The following USP6NL variants were observed in gnomAD, a reference collection of about 807,000 sequenced individuals.
USP6NL encodes USP6 N-terminal like.
A neutral mutation model predicts 61.9 loss-of-function variants in USP6NL; 26 were observed. The observed-to-expected ratio is 0.42, with a 90% CI of 0.31 to 0.58. The LOEUF is 0.58. Ranked by LOEUF, USP6NL falls within the 20% of genes least tolerant of loss-of-function variation. The pLI, the probability that USP6NL is intolerant of heterozygous loss-of-function variation, is 0.16. For synonymous variants in USP6NL, 432 were observed against 390.1 expected (o/e 1.11, Z -1.27); for missense variants, 1,114 against 1,034.3 (o/e 1.08, Z -1.06).
At chr10:11,514,996 AT>A (rs1364322523) in intron 5 of USP6NL, among the ~76,000 whole-genome samples, 1 of 152,228 alleles carries the variant, frequency 6.6e-6, no homozygotes, top group East Asian at 1.9e-4. Flanking sequence ...TTTAAAGTTT[AT>A]GATATAATAC....
chr10:11,606,830 C>T (rs547732526), intron 1 of USP6NL, among the ~76,000 whole-genome samples: 1 of 148,522 alleles, frequency 6.7e-6, no homozygotes, highest in Admixed American at 6.8e-5. Context: ...TTTACTCTGT[C>T]GCCAGGCTGG....
chr10:11,541,327 G>A (rs949536999), intron 2 of USP6NL, among the ~76,000 whole-genome samples: 2 of 142,994 alleles, frequency 1.4e-5, no homozygotes, highest in African/African-American at 2.6e-5. Flanking sequence ...CTAAGAACCT[G>A]AGTGATAAGC....
At position 11,490,458 on chromosome 10, in the gene USP6NL, C is replaced by G. The variant is rs906453688; in HGVS notation, c.543+374G>C. 6.6e-6 allele frequency among the ~76,000 whole-genome samples: 1 copy of G among 152,160 alleles called. No homozygotes were observed. Among genetic ancestry groups the G allele is most frequent in the African/African-American group, 2.4e-5 (1 of 41,420 alleles). ...ATTGTGAAAAGTAACCTCCCAAGAG[C>G]AAAGAGAGTTATAAAAAGTCAAGCA... On this transcript the variant is annotated intron_variant, in intron 9 of 14. Coordinates refer to ENST00000609104, the MANE Select transcript of USP6NL (RefSeq NM_014688.5). The surrounding 1 kb of genome is among the most constrained non-coding windows in gnomAD (Gnocchi z 4.5).
chr10:11,537,355 ACC>A lies in USP6NL; in HGVS notation c.5-9790_5-9789del, dbSNP rs1445172294. 6.6e-6 allele frequency among the ~76,000 whole-genome samples: 1 copy of A among 151,828 alleles called. No homozygotes were observed. The highest frequency in any genetic ancestry group is 1.5e-5 in the Non-Finnish European group (1 of 67,912). On this transcript the variant is annotated intron_variant, in intron 2 of 14. Transcript: ENST00000609104. This position sits in a 1 kb window ranked among gnomAD's most constrained non-coding sequence, Gnocchi z 5.1. ...TCGAACTCCTGGGCTGGGGCAATCC[ACC>A]CACCTTGGCCTCCCAAAGTGCTACG...
At chr10:11,542,130 C>T (rs1836090400) in intron 2 of USP6NL, among the ~76,000 whole-genome samples, 1 of 152,114 alleles carries the variant, frequency 6.6e-6, no homozygotes, top group African/African-American at 2.4e-5. Flanking sequence ...TAAAGACCAG[C>T]TTTTCCTTGG....
intron 14 of USP6NL, among the ~76,000 whole-genome samples, chr10:11,471,122 T>A (rs559143305): frequency 6.6e-6 from 1 of 152,192 alleles, no homozygotes; most frequent in Non-Finnish European, 1.5e-5. Context: ...GAGGCGGAGC[T>A]TGCAGTGAGC....
intron 14 of USP6NL, among the ~76,000 whole-genome samples, chr10:11,480,348 G>A (rs1833145175): frequency 2.6e-5 from 4 of 152,144 alleles, no homozygotes; most frequent in Non-Finnish European, 2.9e-5. Flanking sequence ...ATTATCTCAC[G>A]TTTAAATAGT....
At chr10:11,544,232 G>A (rs1836186636) in intron 2 of USP6NL, among the ~76,000 whole-genome samples, 1 of 151,518 alleles carries the variant, frequency 6.6e-6, no homozygotes, top group Non-Finnish European at 1.5e-5. Context: ...CAGTCAAAGA[G>A]TTAAACTCTA....
chr10:11,552,644 T>A (rs936561814), intron 2 of USP6NL, among the ~76,000 whole-genome samples: 1 of 152,180 alleles, frequency 6.6e-6, no homozygotes, highest in Non-Finnish European at 1.5e-5. Flanking sequence ...TGTAACACAA[T>A]TCACATTATG....
At chr10:11,502,064 C>G (rs1423360358) in intron 6 of USP6NL, among the ~76,000 whole-genome samples, 1 of 152,070 alleles carries the variant, frequency 6.6e-6, no homozygotes, top group Non-Finnish European at 1.5e-5. Flanking sequence ...GGAGACCATC[C>G]TGGCTAACAC....
chr10:11,561,949 C>G lies in USP6NL; in HGVS notation c.5-34382G>C, dbSNP rs1297710268. 1.3e-5 allele frequency among the ~76,000 whole-genome samples: 2 copies of G among 152,194 alleles called. No individual in the cohort carries two copies. Among genetic ancestry groups the G allele is most frequent in the African/African-American group, 4.8e-5 (2 of 41,450 alleles). On this transcript the variant is annotated intron_variant, in intron 2 of 14. Transcript: ENST00000609104. This position sits in a 1 kb window ranked among gnomAD's most constrained non-coding sequence, Gnocchi z 4.1. ...TGTAATTTCCTATCCAGTATTCTCT[C>G]ATCTTCCTAAAAGAATGCCAGATCT...
chr10:11,584,495 G>A (rs1168759348), intron 2 of USP6NL, among the ~76,000 whole-genome samples: 1 of 152,142 alleles, frequency 6.6e-6, no homozygotes, highest in Non-Finnish European at 1.5e-5. Flanking sequence ...GTCCCTGAAA[G>A]AATAGTACCT....
chr10:11,512,419 GA>G (rs1244329121), intron 5 of USP6NL, among the ~76,000 whole-genome samples: 1 of 152,068 alleles, frequency 6.6e-6, no homozygotes, highest in Non-Finnish European at 1.5e-5. Flanking sequence ...GTTCCTAGAT[GA>G]AAACAGAAGC....
intron 2 of USP6NL, among the ~76,000 whole-genome samples, chr10:11,545,222 C>G (rs1836229650): frequency 6.6e-6 from 1 of 152,196 alleles, no homozygotes; most frequent in Non-Finnish European, 1.5e-5. Flanking sequence ...AAACCCTCCC[C>G]TCTCTGCCCC....
chr10:11,517,252 T>TCC (rs998801346), intron 5 of USP6NL, among the ~76,000 whole-genome samples: 1 of 152,224 alleles, frequency 6.6e-6, no homozygotes, highest in Non-Finnish European at 1.5e-5. Context: ...TGAGAACAAA[T>TCC]CCTTACATTC....
chr10:11,506,229 AAT>A (rs1202491301), intron 6 of USP6NL, among the ~76,000 whole-genome samples: 2 of 152,238 alleles, frequency 1.3e-5, no homozygotes, highest in African/African-American at 4.8e-5. Flanking sequence ...CCAACAAAAA[AAT>A]ATGTGTATTT....
In USP6NL at chr10:11,532,618, G is replaced by A. The variant is rs960535641; in HGVS notation, c.5-5051C>T. Among the ~76,000 whole-genome samples the A allele has an allele frequency of 1.5e-4, 23 of 152,172 alleles. No individual in the cohort carries two copies. Among genetic ancestry groups the A allele is most frequent in the African/African-American group, 4.8e-4 (20 of 41,504 alleles). On this transcript the variant is annotated intron_variant, in intron 2 of 14. Coordinates refer to ENST00000609104, the MANE Select transcript of USP6NL (RefSeq NM_014688.5). This position sits in a 1 kb window ranked among gnomAD's most constrained non-coding sequence, Gnocchi z 4.1. The stretch of plus-strand genomic sequence containing the variant: ...ATAATGTGCCTTCATCTTGTGTCTC[G>A]ATATTAGCCACTTTCTTATTTCTTA...
chr10:11,545,013 G>A (rs1312190742), intron 2 of USP6NL, among the ~76,000 whole-genome samples: 1 of 152,170 alleles, frequency 6.6e-6, no homozygotes, highest in East Asian at 1.9e-4. Context: ...TGGTTGTCCT[G>A]GGGAGATTAA....
rs1042653586 is a variant in USP6NL, at chr10:11,596,347, C to T, written c.4+1284G>A. ...TAACAAAAGCTCTTTCTTGGCCGGG[C>T]GCGGTGGCTCACGCCTGTAATCCCA... On this transcript the variant is annotated intron_variant, in intron 2 of 14. Coordinates refer to ENST00000609104, the MANE Select transcript of USP6NL (RefSeq NM_014688.5). This position sits in a 1 kb window ranked among gnomAD's most constrained non-coding sequence, Gnocchi z 4.1. Among the ~76,000 whole-genome samples, 1 of 152,124 alleles carries T rather than the reference C, an allele frequency of 6.6e-6. No homozygotes were observed. Among genetic ancestry groups the T allele is most frequent in the Non-Finnish European group, 1.5e-5 (1 of 68,032 alleles).
Sources: gnomAD v4.1 joint callset for allele counts (sites outside exome capture counted in the v4.1 genomes callset) on GRCh38, gnomAD v4.1.1 for gene constraint, Gnocchi (gnomAD v3.1) non-coding constraint, MANE v1.5 for transcripts, NCBI Gene and HGNC (gene_info 2026-07-23, HGNC 2026-07-21) for gene names.